Variants in HEATR5B observed in about 807,000 individuals in gnomAD.
HEATR5B encodes HEAT repeat-containing protein 5B.
HEATR5B carries 156 observed loss-of-function variants against 224.1 expected under a neutral mutation model. That is an observed-to-expected ratio of 0.70 (90% CI 0.61 to 0.80). The LOEUF (loss-of-function observed/expected upper bound fraction) is 0.80, where lower values mean the gene tolerates loss of function less well. Ranked by LOEUF, HEATR5B falls within the 30% of genes least tolerant of loss-of-function variation. The pLI, the probability that HEATR5B is intolerant of heterozygous loss-of-function variation, is 0.00. For missense variants in HEATR5B, 2,323 were observed against 2,535.5 expected, an observed-to-expected ratio of 0.92 and a Z score of 1.80; for synonymous variants, 1,027 against 893.0, an observed-to-expected ratio of 1.15 and a Z score of -2.68.
chr2:37,059,282 AAG>A (rs976347715), intron 12 of HEATR5B, among the ~76,000 whole-genome samples: 1 of 150,382 alleles, frequency 6.6e-6, no homozygotes, highest in African/African-American at 2.4e-5. Flanking sequence ...ACTACAAAGA[AAG>A]AAATTTTAAG....
chr2:37,000,853 G>T, intron 32 of HEATR5B, 40 bp from the exon 33 acceptor site: 1 of 1,304,462 alleles, frequency 7.7e-7, no homozygotes, highest in Non-Finnish European at 1.1e-6. Context: ...TAACTATTCA[G>T]TTCCCATATT....
chr2:37,037,731 C>G (rs1018956526), intron 21 of HEATR5B, 124 bp downstream of exon 21: 3 of 486,302 alleles, frequency 6.2e-6, no homozygotes, highest in Non-Finnish European at 3.5e-6. Flanking sequence ...ATACTGTAGG[C>G]TTGCATCAAA....
chr2:37,024,903 G>A (rs1187384519), intron 24 of HEATR5B, among the ~76,000 whole-genome samples: 5 of 152,042 alleles, frequency 3.3e-5, no homozygotes, highest in Non-Finnish European at 7.4e-5. Flanking sequence ...CAAGACCTCC[G>A]TCTTTTTTCT....
chr2:37,060,327 G>C (rs1043599767), intron 12 of HEATR5B, among the ~76,000 whole-genome samples: 2 of 152,180 alleles, frequency 1.3e-5, no homozygotes, highest in Non-Finnish European at 2.9e-5. Context: ...CAACAAGTGG[G>C]AATAAGAGGC....
intron 18 of HEATR5B, among the ~76,000 whole-genome samples, chr2:37,042,675 C>A (rs989840222): frequency 1.3e-5 from 2 of 151,994 alleles, no homozygotes; most frequent in African/African-American, 4.8e-5. Flanking sequence ...GTGGATCACT[C>A]GAGGTCAGGA....
chr2:37,071,596 A>C (rs771346899), intron 6 of HEATR5B, among the ~76,000 whole-genome samples: 2 of 152,174 alleles, frequency 1.3e-5, no homozygotes, highest in Non-Finnish European at 2.9e-5. Flanking sequence ...TTATGTGCTT[A>C]TATGTCCAGC....
chr2:36,998,905 G>A (rs557814598), intron 33 of HEATR5B, among the ~76,000 whole-genome samples: 2 of 151,630 alleles, frequency 1.3e-5, no homozygotes, highest in African/African-American at 4.8e-5. Flanking sequence ...TATATAGATA[G>A]ATATTTCTAA....
At chr2:37,004,565 A>C (rs10490656) in intron 30 of HEATR5B, among the ~76,000 whole-genome samples, 1 of 151,030 alleles carries the variant, frequency 6.6e-6, no homozygotes, top group Non-Finnish European at 1.5e-5. Flanking sequence ...TTCACTCCTC[A>C]ATCTTCTACT....
intron 9 of HEATR5B, 26 bp downstream of exon 9, chr2:37,065,725 CACAT>C: frequency 2.5e-6 from 4 of 1,582,622 alleles, no homozygotes; most frequent in Non-Finnish European, 3.5e-6. Context: ...AAAGTGGAAA[CACAT>C]ACTAGCAAGT....
intron 24 of HEATR5B, 109 bp downstream of exon 24, chr2:37,027,813 AT>A (rs1215784925): frequency 9.3e-7 from 1 of 1,069,626 alleles, no homozygotes; most frequent in Admixed American, 2.3e-5. Context: ...CAATAAATAA[AT>A]GGCATATTCT....
At chr2:37,036,272 C>T (rs577201147) in intron 21 of HEATR5B, among the ~76,000 whole-genome samples, 58 of 152,278 alleles carry the variant, frequency 3.8e-4, no homozygotes, top group Non-Finnish European at 6.6e-4. Context: ...AGAAAGTCTG[C>T]GTGATATGTC....
At chr2:37,011,945 C>T (rs1158370777) in intron 27 of HEATR5B, among the ~76,000 whole-genome samples, 1 of 152,186 alleles carries the variant, frequency 6.6e-6, no homozygotes, top group Non-Finnish European at 1.5e-5. Context: ...TGAATAGACA[C>T]TGCCAAATGC....
chr2:37,068,632 G>A (rs1276577616), intron 8 of HEATR5B, 49 bp downstream of exon 8: 1 of 1,572,796 alleles, frequency 6.4e-7, no homozygotes, highest in Non-Finnish European at 8.7e-7. Context: ...TCATAATAAA[G>A]AACTAAATGA....
At position 37,020,828 on chromosome 2, in the gene HEATR5B, A is replaced by C. The variant is rs201268955; in HGVS notation, c.3862T>G (p.Leu1288Val). The part of the protein sequence containing the change: ...AKLRNPTNDL[L>V]VLHLSDLIRM... ...ATGAGGTCAGAGAGATGAAGTACCA[A>C]GAGGTCATCTAAAAATAAAAATAGA... The change falls in exon 25 of 36, where the codon TTG (leucine) becomes GTG (valine). Residue 1288 changes from leucine (L) to valine (V), a missense_variant. Physicochemically the swap from Leu to Val is conservative, Grantham distance 32. Coordinates refer to ENST00000233099, the MANE Select transcript of HEATR5B (RefSeq NM_019024.3). The C allele has an allele frequency of 6.7e-7, 1 of 1,500,980 alleles. No homozygotes were observed. The highest frequency in any genetic ancestry group is 8.9e-7 in the Non-Finnish European group (1 of 1,125,570). 93.0% of individuals were successfully genotyped at this position (1,500,980 alleles called of 1,614,324 possible). A position where few individuals can be genotyped will look rare whatever the true frequency, so the allele number is the denominator to read the frequency against.
At chr2:37,023,974 G>T (rs1348198116) in intron 24 of HEATR5B, among the ~76,000 whole-genome samples, 1 of 152,064 alleles carries the variant, frequency 6.6e-6, no homozygotes, top group African/African-American at 2.4e-5. Flanking sequence ...CATGTTTACT[G>T]CAGGACTATT....
chr2:37,006,974 T>C, intron 29 of HEATR5B, 76 bp downstream of exon 29: 1 of 1,455,062 alleles, frequency 6.9e-7, no homozygotes, highest in South Asian at 1.2e-5. Flanking sequence ...GTACAAAATC[T>C]TTCCATAGCT....
chr2:37,038,109 A>C, intron 20 of HEATR5B, 85 bp from the exon 21 acceptor site: 2 of 908,324 alleles, frequency 2.2e-6, no homozygotes, highest in Non-Finnish European at 3.1e-6. Context: ...TATCCTCTAA[A>C]TAACCATTCT....
At chr2:37,015,414 T>A (rs1015192674) in intron 26 of HEATR5B, among the ~76,000 whole-genome samples, 3 of 152,196 alleles carry the variant, frequency 2.0e-5, no homozygotes, top group African/African-American at 2.4e-5. Context: ...TCTTTTATAA[T>A]ACCATAGAAC....
At chr2:37,023,313 T>G (rs527988106) in intron 24 of HEATR5B, among the ~76,000 whole-genome samples, 2 of 152,296 alleles carry the variant, frequency 1.3e-5, no homozygotes, top group East Asian at 1.9e-4. Flanking sequence ...ACCCACAAAG[T>G]CTTTTTGAAG....
Sources: gnomAD v4.1 joint callset for allele counts (sites outside exome capture counted in the v4.1 genomes callset) on GRCh38, gnomAD v4.1.1 for gene constraint, MANE v1.5 for transcripts, NCBI Gene and HGNC (gene_info 2026-07-23, HGNC 2026-07-21) for gene names.